The following RBFOX1 variants were observed in gnomAD, a reference collection of about 807,000 sequenced individuals.
RBFOX1 encodes RNA binding protein fox-1 homolog 1.
In RBFOX1, 8 loss-of-function variants were observed where a neutral mutation model predicts 57.7. The ratio of observed to expected loss-of-function variants is 0.14; its 90% confidence interval spans 0.08 to 0.25. The LOEUF is 0.25. Among genes scored for constraint, RBFOX1 ranks in the 10% least tolerant of loss-of-function variants. RBFOX1 has a pLI of 1.00. For missense variants in RBFOX1, 611 were observed against 548.5 expected (o/e 1.11, Z -1.14); for synonymous variants, 326 against 222.4 (o/e 1.47, Z -4.15).
In RBFOX1 at chr16:5,778,762, T is replaced by C. The variant is rs187718824; in HGVS notation, c.319-88541T>C. Among the ~76,000 whole-genome samples, 533 of 152,260 alleles carry C rather than the reference T, an allele frequency of 3.5e-3. 4 individuals carry two copies. Among genetic ancestry groups the C allele is most frequent in the Middle Eastern group, 0.017 (5 of 292 alleles). On this transcript the variant is annotated intron_variant, in intron 3 of 19. Coordinates refer to the RBFOX1 transcript ENST00000641259. ...GACCAGAGAAGAGTTTTCCCCTAGT[T>C]TGAGCTCTAACTCCCACCCCTCAGC...
chr16:7,259,841 T>A (rs1230895893), intron 4 of RBFOX1, among the ~76,000 whole-genome samples: 1 of 152,192 alleles, frequency 6.6e-6, no homozygotes, highest in Non-Finnish European at 1.5e-5. Context: ...GTGTGTGTAA[T>A]AAGAATCTAG....
rs5815245 is a variant in RBFOX1 at position 5,434,317 on chromosome 16, C to CTTTTTTTTTTTT, written c.220-32888_220-32877dup. 2.8e-4 allele frequency among the ~76,000 whole-genome samples: 22 copies of CTTTTTTTTTTTT among 79,730 alleles called. 4 individuals carry two copies. Among genetic ancestry groups the CTTTTTTTTTTTT allele is most frequent in the South Asian group, 1.1e-3 (2 of 1,882 alleles). 52.3% of individuals were successfully genotyped at this position (79,730 alleles called of 152,430 possible). A position where few individuals can be genotyped will look rare whatever the true frequency, so the allele number is the denominator to read the frequency against. ...AGAGGGAGCCATCTCTGCTGAAGTCCTTTTTTTTTTTTTTTTTTTTTTGAG... is the reference window on the plus strand; with the variant it reads ...AGAGGGAGCCATCTCTGCTGAAGTCCTTTTTTTTTTTTTTTTTTTTTTTTTTTTTTTTTTGAG... On this transcript the variant is annotated intron_variant, in intron 1 of 2. Coordinates refer to the RBFOX1 transcript ENST00000585867.
intron 1 of RBFOX1, among the ~76,000 whole-genome samples, chr16:6,291,758 C>A (rs2077489543): frequency 6.6e-6 from 1 of 152,198 alleles, no homozygotes; most frequent in South Asian, 2.1e-4. Flanking sequence ...TTCTCTTGAT[C>A]TTGCCCTTTC....
At chr16:7,029,176 A>ATATG (rs2042055708) in intron 3 of RBFOX1, among the ~76,000 whole-genome samples, 1 of 94,964 alleles carries the variant, frequency 1.1e-5, no homozygotes, top group Non-Finnish European at 2.3e-5. Context: ...ATATATACGT[A>ATATG]TACGTGTATA....
intron 4 of RBFOX1, among the ~76,000 whole-genome samples, chr16:5,872,900 C>G (rs2057511835): frequency 6.6e-6 from 1 of 152,136 alleles, no homozygotes; most frequent in African/African-American, 2.4e-5. Context: ...TGCCTGTAAT[C>G]CCAGCACTTT....
intron 1 of RBFOX1, among the ~76,000 whole-genome samples, chr16:6,209,951 G>C (rs2097282112): frequency 6.6e-6 from 1 of 152,048 alleles, no homozygotes; most frequent in Non-Finnish European, 1.5e-5. Context: ...TCTGTCTCTA[G>C]ACTTTTTGTT....
intron 3 of RBFOX1, among the ~76,000 whole-genome samples, chr16:6,841,972 A>G (rs2093488578): frequency 9.4e-6 from 1 of 106,722 alleles, no homozygotes; most frequent in Admixed American, 8.6e-5. Flanking sequence ...CCCCGTCTCT[A>G]TTAAAAAAAA....
chr16:5,281,599 G>C (rs2063273270), intron 1 of RBFOX1, among the ~76,000 whole-genome samples: 1 of 152,168 alleles, frequency 6.6e-6, no homozygotes, highest in African/African-American at 2.4e-5. Context: ...ATGTGTGTCT[G>C]TATGCTCTTA....
At chr16:6,429,165 G>T (rs1007063294) in intron 2 of RBFOX1, among the ~76,000 whole-genome samples, 22 of 152,228 alleles carry the variant, frequency 1.4e-4, no homozygotes, top group African/African-American at 5.3e-4. Flanking sequence ...TGTGATTGGT[G>T]CTGGATTTTA....
chr16:5,630,905 G>A (rs1246289241), intron 3 of RBFOX1, among the ~76,000 whole-genome samples: 1 of 152,136 alleles, frequency 6.6e-6, no homozygotes, highest in African/African-American at 2.4e-5. Flanking sequence ...GTTTTTTTTA[G>A]TTGGTTTCTG....
chr16:5,622,564 A>G (rs887794671), intron 3 of RBFOX1, among the ~76,000 whole-genome samples: 4 of 152,362 alleles, frequency 2.6e-5, no homozygotes, highest in South Asian at 4.1e-4. Context: ...ACTTTTTAAA[A>G]AATCCATTTA....
intron 4 of RBFOX1, among the ~76,000 whole-genome samples, chr16:7,286,460 T>G (rs1447469823): frequency 6.7e-6 from 1 of 148,802 alleles, no homozygotes; most frequent in African/African-American, 2.5e-5. Context: ...TTTTTTTTTT[T>G]TTTTTTTGAG....
At chr16:5,447,692 G>T (rs1314300750) in intron 1 of RBFOX1, among the ~76,000 whole-genome samples, 1 of 152,176 alleles carries the variant, frequency 6.6e-6, no homozygotes, top group Non-Finnish European at 1.5e-5. Context: ...CACCGTGCCC[G>T]GCTGCCATTC....
intron 3 of RBFOX1, among the ~76,000 whole-genome samples, chr16:5,835,129 C>A (rs1208441793): frequency 3.3e-5 from 5 of 152,264 alleles, no homozygotes; most frequent in South Asian, 2.1e-4. Context: ...GGACCCCCCC[C>A]AGAAGTATAA....
chr16:7,418,023 C>A (rs2098501354), intron 4 of RBFOX1, among the ~76,000 whole-genome samples: 1 of 152,100 alleles, frequency 6.6e-6, no homozygotes, highest in Non-Finnish European at 1.5e-5. Flanking sequence ...TGTGGAGGTC[C>A]TCTATAGATT....
chr16:7,645,397 C>A (rs2215277), intron 11 of RBFOX1, among the ~76,000 whole-genome samples: 59,938 of 152,010 alleles, frequency 0.39, 12,362 homozygotes, highest in African/African-American at 0.51. Flanking sequence ...GGGACAATCC[C>A]TGAGTCATTT....
intron 3 of RBFOX1, among the ~76,000 whole-genome samples, chr16:5,744,764 T>C (rs535650902): frequency 1.8e-4 from 27 of 152,312 alleles, no homozygotes; most frequent in African/African-American, 6.5e-4. Flanking sequence ...TTGTGCTTTC[T>C]TTTTCTTTTT....
intron 4 of RBFOX1, among the ~76,000 whole-genome samples, chr16:5,883,586 T>G (rs999692566): frequency 2.0e-5 from 3 of 152,146 alleles, no homozygotes. Flanking sequence ...CACACATGTC[T>G]CTCTGCTTTT....
At chr16:6,293,236 C>G (rs1002261712) in intron 1 of RBFOX1, among the ~76,000 whole-genome samples, 1 of 152,102 alleles carries the variant, frequency 6.6e-6, no homozygotes, top group Non-Finnish European at 1.5e-5. Flanking sequence ...TGTACCAAAT[C>G]ACAGAGCTAA....
Sources: gnomAD v4.1 joint callset for allele counts (sites outside exome capture counted in the v4.1 genomes callset) on GRCh38, gnomAD v4.1.1 for gene constraint, MANE v1.5 for transcripts, NCBI Gene and HGNC (gene_info 2026-07-23, HGNC 2026-07-21) for gene names.